The following BCR variants were observed in gnomAD, a reference collection of about 807,000 sequenced individuals.
The protein encoded by BCR is BCR activator of RhoGEF and GTPase.
BCR carries 58 observed loss-of-function variants against 138.6 expected under a neutral mutation model. The ratio of observed to expected loss-of-function variants is 0.42; its 90% CI spans 0.34 to 0.52. The LOEUF is 0.52. BCR is among the 20% of genes least tolerant of loss of function. The pLI is 0.06. For missense variants in BCR, 1,599 were observed against 1,727.2 expected (o/e 0.93, Z 1.32); for synonymous variants, 786 against 730.1 (o/e 1.08, Z -1.23).
At chr22:23,190,612 A>G (rs946543974) in intron 1 of BCR, among the ~76,000 whole-genome samples, 2 of 152,188 alleles carry the variant, frequency 1.3e-5, no homozygotes, top group South Asian at 2.1e-4. Context: ...ACGTCAACAT[A>G]TGGGGAGTGA....
At chr22:23,295,239 G>T in intron 16 of BCR, 84 bp downstream of exon 16, 1 of 1,440,040 alleles carries the variant, frequency 6.9e-7, no homozygotes, top group Admixed American at 1.9e-5. Flanking sequence ...GATGGTCATG[G>T]CCTTGCACCC....
intron 1 of BCR, among the ~76,000 whole-genome samples, chr22:23,184,235 AC>A (rs1401317618): frequency 6.6e-6 from 1 of 151,956 alleles, no homozygotes; most frequent in Non-Finnish European, 1.5e-5. Context: ...GCAGGCTCAA[AC>A]CACTATACTG....
At chr22:23,290,006 G>C (rs1057229833) in intron 13 of BCR, 4 of 506,112 alleles carry the variant, frequency 7.9e-6, no homozygotes, top group African/African-American at 5.8e-5. Flanking sequence ...TTGCACATAT[G>C]CTCAGTCACA....
intron 15 of BCR, among the ~76,000 whole-genome samples, chr22:23,293,630 G>A (rs1461227623): frequency 6.6e-6 from 1 of 152,162 alleles, no homozygotes; most frequent in Non-Finnish European, 1.5e-5. Flanking sequence ...ACCCAGCAGA[G>A]ACAACAAGAG....
chr22:23,207,614 C>A (rs1056043609), intron 1 of BCR, among the ~76,000 whole-genome samples: 6 of 152,130 alleles, frequency 3.9e-5, no homozygotes, highest in African/African-American at 1.4e-4. Flanking sequence ...CAGAGACAGA[C>A]CCTGTCTCTG....
intron 1 of BCR, among the ~76,000 whole-genome samples, chr22:23,202,751 A>G (rs201039414): frequency 0.44 from 64,465 of 144,940 alleles, 15,894 homozygotes; most frequent in East Asian, 0.9. Flanking sequence ...GTGTGTGTAT[A>G]TATATATATA....
intron 1 of BCR, among the ~76,000 whole-genome samples, chr22:23,188,006 G>A (rs1002286935): frequency 6.6e-6 from 1 of 152,162 alleles, no homozygotes; most frequent in Non-Finnish European, 1.5e-5. Context: ...TTTTCCCTTG[G>A]GTGATGGGCT....
chr22:23,206,703 G>C (rs761420055), intron 1 of BCR, among the ~76,000 whole-genome samples: 1 of 152,092 alleles, frequency 6.6e-6, no homozygotes, highest in Non-Finnish European at 1.5e-5. Context: ...GAGCAAACTT[G>C]CTCCTCTTAT....
intron 1 of BCR, among the ~76,000 whole-genome samples, chr22:23,193,318 A>T (rs1430597190): frequency 6.6e-6 from 1 of 152,254 alleles, no homozygotes; most frequent in Non-Finnish European, 1.5e-5. Flanking sequence ...GTGGTCTTGC[A>T]CAGGGACTTA....
intron 1 of BCR, among the ~76,000 whole-genome samples, chr22:23,244,710 G>C (rs1049310737): frequency 2.6e-5 from 4 of 152,184 alleles, no homozygotes; most frequent in African/African-American, 9.7e-5. Context: ...CATTTGTCTG[G>C]GGCTAAACCT....
intron 4 of BCR, among the ~76,000 whole-genome samples, chr22:23,266,607 C>T (rs1328760015): frequency 6.6e-6 from 1 of 152,190 alleles, no homozygotes; most frequent in African/African-American, 2.4e-5. Context: ...CCAGGTTGGT[C>T]TTGAACTCCT....
chr22:23,289,648 G>A, intron 13 of BCR, 27 bp downstream of exon 13: 2 of 1,584,732 alleles, frequency 1.3e-6, no homozygotes, highest in Non-Finnish European at 1.7e-6. Flanking sequence ...CCGTGTACAG[G>A]GCACCTGCAG....
In BCR at chr22:23,287,253, T is replaced by C; in HGVS notation, c.2501T>C (p.Phe834Ser). 2 of 1,555,768 alleles carry C rather than the reference T, an allele frequency of 1.3e-6. No homozygotes were observed. Among genetic ancestry groups the C allele is most frequent in the Non-Finnish European group, 1.7e-6 (2 of 1,149,088 alleles). ...LLLLMSPSMA[F>S]RVHSRNGKSY... ...CTGCTTATGTCTCCCAGCATGGCCT[T>C]CAGGGTGCACAGCCGCAACGGCAAG... Residue 834 changes from phenylalanine (F) to serine (S), a missense_variant, in exon 11 of 23, where the codon TTC becomes TCC. By Grantham distance (155) the Phe-to-Ser change is radical. Coordinates refer to ENST00000305877, the MANE Select transcript of BCR (RefSeq NM_004327.4).
chr22:23,287,367 C>T (rs774101307), intron 11 of BCR, 89 bp downstream of exon 11: 140 of 1,437,686 alleles, frequency 9.7e-5, no homozygotes, highest in Admixed American at 4.5e-4. Context: ...CACTTGGATG[C>T]GCCCCACTCT....
intron 1 of BCR, among the ~76,000 whole-genome samples, chr22:23,232,956 C>T (rs1184284856): frequency 6.6e-6 from 1 of 152,188 alleles, no homozygotes; most frequent in Admixed American, 6.5e-5. Context: ...TAGGCTGAGA[C>T]ATTTTTCTGC....
intron 1 of BCR, among the ~76,000 whole-genome samples, chr22:23,193,782 A>G (rs1488674113): frequency 6.6e-6 from 1 of 152,214 alleles, no homozygotes; most frequent in African/African-American, 2.4e-5. Flanking sequence ...CTTCTCTCAC[A>G]GGGGTCCCTG....
chr22:23,228,478 C>T (rs1177287507), intron 1 of BCR, among the ~76,000 whole-genome samples: 1 of 152,134 alleles, frequency 6.6e-6, no homozygotes, highest in African/African-American at 2.4e-5. Flanking sequence ...CAATAAATTG[C>T]CACAAACTTA....
At chr22:23,202,782 T>C (rs1602009916) in intron 1 of BCR, among the ~76,000 whole-genome samples, 1 of 147,844 alleles carries the variant, frequency 6.8e-6, no homozygotes, top group East Asian at 2.2e-4. Context: ...CATTCATTGA[T>C]GGGCACTTGG....
intron 4 of BCR, among the ~76,000 whole-genome samples, chr22:23,262,224 C>G (rs1270579259): frequency 6.6e-6 from 1 of 152,230 alleles, no homozygotes; most frequent in East Asian, 1.9e-4. Flanking sequence ...GCCAGGCCCC[C>G]CTCTAAGTGT....
Sources: gnomAD v4.1 joint callset for allele counts (sites outside exome capture counted in the v4.1 genomes callset) on GRCh38, gnomAD v4.1.1 for gene constraint, MANE v1.5 for transcripts, NCBI Gene and HGNC (gene_info 2026-07-23, HGNC 2026-07-21) for gene names.